PTAFR: variants seen among roughly 807,000 people sequenced by gnomAD.
PTAFR encodes the protein platelet activating factor receptor.
Under a neutral mutation model 14.7 loss-of-function variants are expected in PTAFR, and 8 were observed. The observed-to-expected ratio is 0.54, with a 90% CI of 0.32 to 0.98. The LOEUF is 0.98. PTAFR is among the 50% of genes least tolerant of loss of function. PTAFR has a pLI of 0.04. For synonymous variants in PTAFR, 156 were observed against 176.5 expected (o/e 0.88, Z 0.92); for missense variants, 337 against 451.2 (o/e 0.75, Z 2.29).
upstream of PTAFR, among the ~76,000 whole-genome samples, chr1:28,180,208 GT>G: frequency 6.6e-6 from 1 of 152,090 alleles, no homozygotes; most frequent in Non-Finnish European, 1.5e-5. Flanking sequence ...GGAGGAGATT[GT>G]TCCAGATTAA....
At chr1:28,163,909 A>T (rs1049423032) in intron 1 of PTAFR, among the ~76,000 whole-genome samples, 2 of 152,230 alleles carry the variant, frequency 1.3e-5, no homozygotes, top group Admixed American at 1.3e-4. Context: ...AGTTTAACAC[A>T]TGGGCACAGT....
chr1:28,171,259 G>A (rs1478622031), intron 1 of PTAFR, among the ~76,000 whole-genome samples: 1 of 148,070 alleles, frequency 6.8e-6, no homozygotes, highest in Non-Finnish European at 1.5e-5. Flanking sequence ...GGAGGGGGAA[G>A]TTTCAGTGAA....
chr1:28,155,171 T>C (rs921115815), intron 1 of PTAFR, among the ~76,000 whole-genome samples: 3 of 152,138 alleles, frequency 2.0e-5, no homozygotes, highest in Non-Finnish European at 4.4e-5. Context: ...CTTGCTGTTT[T>C]GAATGCTCTT....
At position 28,150,554 on chromosome 1, in the gene PTAFR, G is replaced by A; in HGVS notation, c.468C>T (p.Asp156=). 2 of 1,614,218 alleles carry A rather than the reference G, an allele frequency of 1.2e-6. No homozygotes were observed. The highest frequency in any genetic ancestry group is 1.7e-5 in the Admixed American group (1 of 60,024). ...CACTGTCGGGCACTGTGTTGGTGGA[G>A]TCCAGGATGAGGAAGTAGGATGCAG... ...VGAASYFLIL[D]STNTVPDSAG... The change falls in exon 2 of 2, where the codon GAC becomes GAT. Residue 156 remains aspartate (D), a synonymous_variant. Transcript: ENST00000373857. This position sits in a 1 kb window ranked among gnomAD's most constrained non-coding sequence, Gnocchi z 6.3.
intron 1 of PTAFR, among the ~76,000 whole-genome samples, chr1:28,190,075 C>T (rs934372085): frequency 3.9e-5 from 6 of 152,042 alleles, no homozygotes; most frequent in Admixed American, 1.3e-4. Context: ...CAGGTTCAAG[C>T]GATTCTCCTG....
At chr1:28,190,683 G>C (rs1646644959) in intron 1 of PTAFR, among the ~76,000 whole-genome samples, 1 of 152,142 alleles carries the variant, frequency 6.6e-6, no homozygotes, top group Admixed American at 6.6e-5. Flanking sequence ...AGTCACGGGA[G>C]GAAGGGGACT....
intron 1 of PTAFR, among the ~76,000 whole-genome samples, chr1:28,168,198 G>C (rs1175258012): frequency 2.2e-4 from 31 of 141,476 alleles, no homozygotes; most frequent in Admixed American, 1.7e-3. Flanking sequence ...GTCTCAATCT[G>C]CTGACCTCGT....
chr1:28,174,799 C>G (rs1458061750), intron 1 of PTAFR, among the ~76,000 whole-genome samples: 1 of 152,214 alleles, frequency 6.6e-6, no homozygotes, highest in Non-Finnish European at 1.5e-5. Flanking sequence ...GCAGGAATCC[C>G]AGAGTCAGCA....
In PTAFR at chr1:28,149,773, G is replaced by A; in HGVS notation, c.*220C>T. The A allele has an allele frequency of 1.0e-5, 6 of 579,536 alleles. No homozygotes were observed. The South Asian group carries it at 1.1e-4, about 10-fold the overall frequency. 35.9% of individuals were successfully genotyped at this position (579,536 alleles called of 1,614,324 possible). A position where few individuals can be genotyped will look rare whatever the true frequency, so the allele number is the denominator to read the frequency against. ...GATAAAGTCATCAGTCACAGTTACT[G>A]TAGTATGCGCCCACAGGCGGATGAA... On this transcript the variant is annotated 3_prime_UTR_variant, in exon 2 of 2. Transcript: ENST00000373857.
intron 1 of PTAFR, among the ~76,000 whole-genome samples, chr1:28,153,516 C>T (rs1373300216): frequency 7.2e-6 from 1 of 139,628 alleles, no homozygotes; most frequent in Admixed American, 8.0e-5. Context: ...GAGGCCAAGG[C>T]AGACAGATCC....
upstream of PTAFR, chr1:28,177,326 G>A (rs1379933950): frequency 6.6e-6 from 1 of 152,452 alleles, no homozygotes; most frequent in Admixed American, 6.5e-5. Context: ...CTGTGGTCAG[G>A]GGCATGACAG....
rs1379865088 is a variant in PTAFR, at chr1:28,156,211, C to T, written c.-38-5152G>A. Among the ~76,000 whole-genome samples the T allele has an allele frequency of 2.7e-5, 4 of 150,592 alleles. No homozygotes were observed. The South Asian group carries it at 8.5e-4, about 32-fold the overall frequency. ...CCAGTAGGCGGAGGTTGCAGTCAGCCGAGATCATGCCATTGCATTCCAGCA... is the reference window on the plus strand; with the variant it reads ...CCAGTAGGCGGAGGTTGCAGTCAGCTGAGATCATGCCATTGCATTCCAGCA... On this transcript the variant is annotated intron_variant, in intron 1 of 1. Coordinates refer to ENST00000373857, the MANE Select transcript of PTAFR (RefSeq NM_000952.5).
At chr1:28,192,822 T>G (rs1051583344) in intron 1 of PTAFR, among the ~76,000 whole-genome samples, 5 of 151,842 alleles carry the variant, frequency 3.3e-5, no homozygotes, top group Non-Finnish European at 7.4e-5. Flanking sequence ...AATTTTTGTG[T>G]TTTTAGTAGA....
At chr1:28,158,217 G>A (rs1646287802) in intron 1 of PTAFR, among the ~76,000 whole-genome samples, 2 of 152,192 alleles carry the variant, frequency 1.3e-5, no homozygotes, top group African/African-American at 2.4e-5. Context: ...AGACTTGAGG[G>A]TGAGGAGAGA....
intron 1 of PTAFR, among the ~76,000 whole-genome samples, chr1:28,163,455 G>A (rs1646348058): frequency 6.6e-6 from 1 of 152,220 alleles, no homozygotes; most frequent in Non-Finnish European, 1.5e-5. Context: ...CACAAAGGAA[G>A]TGTGCACAGT....
At chr1:28,169,861 A>T (rs1199241091) in intron 1 of PTAFR, among the ~76,000 whole-genome samples, 1 of 152,108 alleles carries the variant, frequency 6.6e-6, no homozygotes, top group African/African-American at 2.4e-5. Context: ...TTAACCAGGC[A>T]TGGTGGTGCA....
Position 28,147,964 on chromosome 1 carries a change from GCTACCAT to G in PTAFR, c.*2022_*2028del, listed in dbSNP as rs1646134869. The G allele has an allele frequency of 6.6e-6, 1 of 152,596 alleles. No homozygotes were observed. Among genetic ancestry groups the G allele is most frequent in the Non-Finnish European group, 1.5e-5 (1 of 68,210 alleles). 9.5% of individuals were successfully genotyped at this position (152,596 alleles called of 1,614,324 possible). A position where few individuals can be genotyped will look rare whatever the true frequency, so the allele number is the denominator to read the frequency against. On this transcript the variant is annotated 3_prime_UTR_variant, in exon 2 of 2. Coordinates refer to ENST00000373857, the MANE Select transcript of PTAFR (RefSeq NM_000952.5). ...TCCCATCAGCCAAGTCCAGCCCACA[GCTACCAT>G]CCCAGACTCCAGCAGGTTACAGGTC...
In PTAFR at chr1:28,187,779, A is replaced by G. The variant is rs772902815; in HGVS notation, c.-39+5943T>C. On this transcript the variant is annotated intron_variant, in intron 1 of 1. Transcript: ENST00000305392. ...ATTACGGGCGTGAGGCACCATGCCC[A>G]GCCAAGAAAACTTCTTAAATTAAGA... Among the ~76,000 whole-genome samples, 99 of 152,252 alleles carry G rather than the reference A, an allele frequency of 6.5e-4. 1 individual carries two copies. Among genetic ancestry groups the G allele is most frequent in the Non-Finnish European group, 3.7e-4 (25 of 68,044 alleles).
chr1:28,166,156 C>T (rs539581394), intron 1 of PTAFR, among the ~76,000 whole-genome samples: 2 of 152,298 alleles, frequency 1.3e-5, no homozygotes, highest in African/African-American at 4.8e-5. Flanking sequence ...TAAACCCTCA[C>T]ATACATAGTC....
Sources: gnomAD v4.1 joint callset for allele counts (sites outside exome capture counted in the v4.1 genomes callset) on GRCh38, gnomAD v4.1.1 for gene constraint, Gnocchi (gnomAD v3.1) non-coding constraint, MANE v1.5 for transcripts, NCBI Gene and HGNC (gene_info 2026-07-23, HGNC 2026-07-21) for gene names.